The following CHI3L1 variants were observed in gnomAD, a reference collection of about 807,000 sequenced individuals.
CHI3L1 encodes chitinase-3-like protein 1.
CHI3L1 carries 30 observed loss-of-function variants against 40.7 expected under a neutral mutation model. The ratio of observed to expected loss-of-function variants is 0.74; its 90% confidence interval spans 0.55 to 1.00. The LOEUF is 1.00. CHI3L1 is among the 50% of genes least tolerant of loss of function. The pLI is 0.00. For missense variants in CHI3L1, 493 were observed against 492.2 expected, an observed-to-expected ratio of 1.00 and a Z score of -0.01; for synonymous variants, 210 against 192.1, an observed-to-expected ratio of 1.09 and a Z score of -0.77.
chr1:203,186,681 TGCCAGCTACCTAGACAG>T lies in CHI3L1; in HGVS notation c.-75_-59del. 6.2e-7 allele frequency: 1 copy of T among 1,607,320 alleles called. No individual in the cohort carries two copies. The highest frequency in any genetic ancestry group is 8.5e-7 in the Non-Finnish European group (1 of 1,174,286). ...CTCTTCCCTTGCCCACGGCTCCTGG[TGCCAGCTACCTAGACAG>T]GGCCTCTTCCCCAGGCCCTGTACTT... On this transcript the variant is annotated 5_prime_UTR_variant, in exon 1 of 10. Transcript: ENST00000255409.
intron 6 of CHI3L1, chr1:203,181,634 G>C (rs767864815): frequency 1.0e-5 from 2 of 191,876 alleles, no homozygotes; most frequent in Admixed American, 6.0e-5. Flanking sequence ...AAGCTTTTGG[G>C]CTCCTATTTA....
Position 203,180,667 on chromosome 1 carries a change from G to GTT in CHI3L1, c.712-16_712-15insAA. On this transcript the variant is annotated splice_polypyrimidine_tract_variant and intron_variant, in intron 7 of 9. Coordinates refer to ENST00000255409, the MANE Select transcript of CHI3L1 (RefSeq NM_001276.4). ...ACAGCATAGTCCTGGGTGGGGTAGG[G>GTT]TGGGAACAACGTGAGCAGTTAGTGC... The GTT allele has an allele frequency of 2.7e-6, 4 of 1,483,500 alleles. No homozygotes were observed. Among genetic ancestry groups the GTT allele is most frequent in the Non-Finnish European group, 3.7e-6 (4 of 1,079,466 alleles). The allele number at this position is 1,483,500 out of a possible 1,614,324, so 91.9% of individuals were successfully genotyped here. A position where few individuals can be genotyped will look rare whatever the true frequency, so the allele number is the denominator to read the frequency against.
At position 203,185,295 on chromosome 1, in the gene CHI3L1, A is replaced by C. The variant is rs904495675; in HGVS notation, c.146T>G (p.Phe49Cys). ...GCTGTAGATGATGTGGGTACAGAGG[A>C]AGCGGTCAAGGGCATCTGGGAAGCA... Reference protein sequence around the residue: ...GSCFPDALDRFLCTHIIYSFA... With the variant: ...GSCFPDALDRCLCTHIIYSFA... Residue 49 changes from phenylalanine to cysteine, a missense_variant, in exon 3 of 10, where the codon TTC (phenylalanine) becomes TGC (cysteine). Coordinates refer to ENST00000255409, the MANE Select transcript of CHI3L1 (RefSeq NM_001276.4). 73 of 1,614,210 alleles carry C rather than the reference A, an allele frequency of 4.5e-5. No individual in the cohort carries two copies. Among genetic ancestry groups the C allele is most frequent in the Non-Finnish European group, 6.2e-5 (73 of 1,180,032 alleles).
chr1:203,184,330 T>C (rs1465667128), intron 4 of CHI3L1, among the ~76,000 whole-genome samples: 2 of 152,174 alleles, frequency 1.3e-5, no homozygotes, highest in African/African-American at 2.4e-5. Context: ...AGGTAGTAAA[T>C]AGAGCATTGG....
At chr1:203,179,954 C>T in intron 8 of CHI3L1, 77 bp from the exon 9 acceptor site, 1 of 1,362,912 alleles carries the variant, frequency 7.3e-7, no homozygotes, top group Non-Finnish European at 1.0e-6. Flanking sequence ...CGCCACTCTC[C>T]AAATCTCTTT....
intron 4 of CHI3L1, among the ~76,000 whole-genome samples, chr1:203,184,310 C>T (rs1304881695): frequency 6.6e-6 from 1 of 152,198 alleles, no homozygotes; most frequent in Admixed American, 6.5e-5. Context: ...CCCATATTTT[C>T]GGGCCTGTGA....
chr1:203,180,925 G>T (rs1655922305), intron 7 of CHI3L1, among the ~76,000 whole-genome samples: 1 of 152,136 alleles, frequency 6.6e-6, no homozygotes, highest in East Asian at 1.9e-4. Context: ...TACCTCCTCG[G>T]CTCCCAGCCT....
At position 203,184,646 on chromosome 1, in the gene CHI3L1, G is replaced by C; in HGVS notation, c.258-14C>G. The C allele has an allele frequency of 6.2e-7, 1 of 1,611,886 alleles. No homozygotes were observed. The highest frequency in any genetic ancestry group is 8.5e-7 in the Non-Finnish European group (1 of 1,177,938). On this transcript the variant is annotated splice_polypyrimidine_tract_variant and intron_variant, in intron 3 of 9. Transcript: ENST00000255409. ...AGGTTGGGGTTCCTGTGGAGCACAG[G>C]GAGGTGGGGAGGGCAGGAGTGGAAT...
intron 3 of CHI3L1, among the ~76,000 whole-genome samples, chr1:203,184,889 A>G (rs75125014): frequency 0.012 from 1,858 of 152,264 alleles, 103 homozygotes; most frequent in Admixed American, 0.11. Context: ...GAGAAGACAG[A>G]GTATGGCAAA....
chr1:203,181,429 T>C (rs1382961902), intron 6 of CHI3L1, 144 bp from the exon 7 acceptor site: 8 of 764,286 alleles, frequency 1.0e-5, no homozygotes, highest in Non-Finnish European at 1.6e-5. Flanking sequence ...AAGACCAGCC[T>C]GGCCAAGATG....
At chr1:203,183,049 C>T (rs946259) in intron 5 of CHI3L1, among the ~76,000 whole-genome samples, 197 bp from the exon 6 acceptor site, 62,873 of 151,980 alleles carry the variant, frequency 0.41, 14,446 homozygotes, top group Non-Finnish European at 0.53. Context: ...ACTGACTAAT[C>T]TTCTCCCCAA....
intron 7 of CHI3L1, 87 bp downstream of exon 7, chr1:203,181,075 T>C: frequency 1.3e-6 from 2 of 1,534,774 alleles, no homozygotes; most frequent in Non-Finnish European, 1.8e-6. Context: ...AGGACTGTAC[T>C]GAGGGCTAGA....
chr1:203,186,439 C>T (rs1656057294), intron 1 of CHI3L1, 94 bp from the exon 2 acceptor site: 1 of 1,502,490 alleles, frequency 6.7e-7, no homozygotes, highest in South Asian at 1.2e-5. Context: ...CTCCCCCACC[C>T]CCACCTCCTG....
intron 7 of CHI3L1, 26 bp from the exon 8 acceptor site, chr1:203,180,678 G>A (rs777104869): frequency 1.9e-5 from 30 of 1,553,222 alleles, no homozygotes; most frequent in Middle Eastern, 3.4e-4. Context: ...TGGGAACAAC[G>A]TGAGCAGTTA....
At chr1:203,181,028 CT>C in intron 7 of CHI3L1, 133 bp downstream of exon 7, 1 of 1,225,072 alleles carries the variant, frequency 8.2e-7, no homozygotes. Flanking sequence ...CCTCAGTTTC[CT>C]TATCTGTGGA....
rs547763376 is a variant in CHI3L1, at chr1:203,183,682, G to A, written c.424C>T (p.Pro142Ser). The A allele has an allele frequency of 3.1e-6, 5 of 1,614,172 alleles. No individual in the cohort carries two copies. In the South Asian group the frequency reaches 3.3e-5, roughly 11 times the overall value. ...AAATGCTGTTTGTCTCTCCGTCCAG[G>A]GTAGAGCCAGGCAAGGTCCAGCCCA... Reference protein sequence around the residue: ...FDGLDLAWLYPGRRDKQHFTT... With the variant: ...FDGLDLAWLYSGRRDKQHFTT... The change falls in exon 5 of 10, where the codon CCT becomes TCT. Residue 142 changes from proline (P) to serine (S), a missense_variant. Coordinates refer to ENST00000255409, the MANE Select transcript of CHI3L1 (RefSeq NM_001276.4).
At chr1:203,180,747 G>T in intron 7 of CHI3L1, 95 bp from the exon 8 acceptor site, 1 of 902,488 alleles carries the variant, frequency 1.1e-6, no homozygotes, top group South Asian at 1.6e-5. Context: ...GGTTATTGGT[G>T]TATGGTGCAC....
rs757840214 is a variant in CHI3L1, at chr1:203,179,827, C to T, written c.945G>A (p.Gln315=). 3.7e-6 allele frequency: 6 copies of T among 1,614,078 alleles called. No individual in the cohort carries two copies. Among genetic ancestry groups the T allele is most frequent in the Admixed American group, 1.7e-5 (1 of 60,008 alleles). Reference sequence around the variant, plus strand: ...GGTTGCCCTTGGTGGCATAGGGGACCTGCTGGCCGAGGATTCTATGGACTG... The same window carrying T: ...GGTTGCCCTTGGTGGCATAGGGGACTTGCTGGCCGAGGATTCTATGGACTG... ...GATVHRILGQ[Q]VPYATKGNQW... Residue 315 remains glutamine, a synonymous_variant, in exon 9 of 10, where the codon CAG becomes CAA. Transcript: ENST00000255409.
intron 1 of CHI3L1, 41 bp from the exon 2 acceptor site, chr1:203,186,386 T>G: frequency 6.3e-7 from 1 of 1,575,234 alleles, no homozygotes; most frequent in Non-Finnish European, 8.6e-7. Context: ...AAGTGCATCC[T>G]GCCCTTCCGC....
Sources: allele counts gnomAD v4.1 joint callset (sites outside exome capture counted in the v4.1 genomes callset), GRCh38; gene constraint gnomAD v4.1.1; transcripts MANE v1.5; gene names NCBI Gene and HGNC (gene_info 2026-07-23, HGNC 2026-07-21).